SPECC1: variants seen among roughly 807,000 people sequenced by gnomAD.
The protein encoded by SPECC1 is cytospin-B.
In SPECC1, 62 loss-of-function variants were observed where a neutral mutation model predicts 104.1. The ratio of observed to expected loss-of-function variants is 0.60; its 90% CI spans 0.49 to 0.74. The LOEUF is 0.74. Among genes scored for constraint, SPECC1 ranks in the 30% least tolerant of loss-of-function variants. The probability of loss-of-function intolerance (pLI) is 0.00; values close to 1 mark genes in which losing one functional copy is unlikely to be tolerated. For missense variants in SPECC1, 1,306 were observed against 1,310.5 expected (o/e 1.00, Z 0.05); for synonymous variants, 513 against 501.6 (o/e 1.02, Z -0.30).
At chr17:20,051,108 CTTT>C (rs1385274723) in intron 1 of SPECC1, among the ~76,000 whole-genome samples, 231 of 129,588 alleles carry the variant, frequency 1.8e-3, no homozygotes, top group African/African-American at 5.5e-3. Context: ...TTCTTTCTTT[CTTT>C]CTTTCTTTCT....
At chr17:20,279,323 C>CTTT (rs548300449) in intron 12 of SPECC1, among the ~76,000 whole-genome samples, 5 of 113,736 alleles carry the variant, frequency 4.4e-5, no homozygotes, top group East Asian at 2.5e-4. Context: ...TTTTTTTTTT[C>CTTT]TTTTTTTTTT....
At chr17:20,253,728 T>A (rs1354953699) in intron 10 of SPECC1, 142 bp downstream of exon 10, 1 of 769,524 alleles carries the variant, frequency 1.3e-6, no homozygotes, top group Non-Finnish European at 2.1e-6. Flanking sequence ...AATGTACATA[T>A]CATGAATGTT....
At chr17:20,116,844 A>T (rs1597743359) in intron 3 of SPECC1, among the ~76,000 whole-genome samples, 2 of 106,916 alleles carry the variant, frequency 1.9e-5, no homozygotes, top group African/African-American at 3.7e-5. Flanking sequence ...GGCTGTCATG[A>T]CTCGGGGCTG....
intron 1 of SPECC1, among the ~76,000 whole-genome samples, chr17:20,054,361 G>C (rs2045882476): frequency 6.6e-6 from 1 of 152,120 alleles, no homozygotes; most frequent in Non-Finnish European, 1.5e-5. Context: ...TAGCCGGTGG[G>C]TCCCAGAATC....
At chr17:20,084,507 T>G (rs1335207565) in intron 1 of SPECC1, among the ~76,000 whole-genome samples, 1 of 152,200 alleles carries the variant, frequency 6.6e-6, no homozygotes, top group Non-Finnish European at 1.5e-5. Context: ...ATTCAAGTCC[T>G]TTATCAGTTT....
chr17:20,059,509 C>A (rs1276462157), intron 1 of SPECC1, among the ~76,000 whole-genome samples: 2 of 152,178 alleles, frequency 1.3e-5, no homozygotes, highest in Admixed American at 1.3e-4. Context: ...TGATTTAGAT[C>A]ATCAACTCTG....
intron 1 of SPECC1, among the ~76,000 whole-genome samples, chr17:20,034,138 C>T (rs1444955961): frequency 6.6e-6 from 1 of 151,908 alleles, no homozygotes; most frequent in African/African-American, 2.4e-5. Context: ...GCTCTGTCAC[C>T]CAAGGCTGGA....
intron 1 of SPECC1, among the ~76,000 whole-genome samples, chr17:20,076,406 C>G (rs543991045): frequency 2.7e-4 from 41 of 152,234 alleles, no homozygotes; most frequent in African/African-American, 8.9e-4. Context: ...CACTATGGTT[C>G]CCAGGCTGGT....
At chr17:20,107,042 A>T (rs1054034509) in intron 2 of SPECC1, among the ~76,000 whole-genome samples, 1 of 150,134 alleles carries the variant, frequency 6.7e-6, no homozygotes, top group Non-Finnish European at 1.5e-5. Flanking sequence ...CTGTAGCCCC[A>T]ACTACTACTT....
At chr17:20,079,824 G>C (rs2046897401) in intron 1 of SPECC1, among the ~76,000 whole-genome samples, 1 of 152,284 alleles carries the variant, frequency 6.6e-6, no homozygotes, top group Non-Finnish European at 1.5e-5. Flanking sequence ...TGCCATTGGG[G>C]GCTGTGGTGG....
At position 20,227,540 on chromosome 17, in the gene SPECC1, C is replaced by A. The variant is rs764521769; in HGVS notation, c.1991C>A (p.Thr664Asn). 1.9e-6 allele frequency: 3 copies of A among 1,612,510 alleles called. No individual in the cohort carries two copies. The highest frequency in any genetic ancestry group is 3.4e-5 in the Admixed American group (2 of 59,418). ...GCAGAGATCAAAGACATGAAAGAAA[C>A]CATATTTGAATTGGAAGATCAGGTG... Reference protein sequence around the residue: ...SDAEIKDMKETIFELEDQVEQ... With the variant: ...SDAEIKDMKENIFELEDQVEQ... The change falls in exon 5 of 15, where the codon ACC becomes AAC. Residue 664 changes from threonine (T) to asparagine (N), a missense_variant. Around this residue, in one of 2 missense-constraint regions of SPECC1, gnomAD observed 1,177 missense variants for 1,139.9 expected, o/e 1.03. Coordinates refer to ENST00000395527, the MANE Select transcript of SPECC1 (RefSeq NM_001243439.2).
intron 3 of SPECC1, among the ~76,000 whole-genome samples, chr17:20,182,209 G>A (rs534753063): frequency 6.7e-6 from 1 of 148,412 alleles, no homozygotes; most frequent in African/African-American, 2.5e-5. Context: ...ATCCTCCAGG[G>A]CCCAGGTGAT....
intron 12 of SPECC1, among the ~76,000 whole-genome samples, chr17:20,286,258 C>T (rs935192654): frequency 2.6e-5 from 4 of 152,184 alleles, no homozygotes; most frequent in Non-Finnish European, 2.9e-5. Context: ...GATCCTAGTC[C>T]GTTTTATTCA....
intron 4 of SPECC1, among the ~76,000 whole-genome samples, chr17:20,217,271 G>A (rs1009213452): frequency 2.0e-5 from 3 of 148,046 alleles, no homozygotes; most frequent in Admixed American, 2.0e-4. Flanking sequence ...TATTGTGTGT[G>A]TGTGTGTGTG....
At chr17:20,017,367 C>G (rs1336361318) in intron 1 of SPECC1, 1 of 152,774 alleles carries the variant, frequency 6.5e-6, no homozygotes, top group Non-Finnish European at 1.5e-5. Context: ...TAACACTCGC[C>G]GCGAAGGTCT....
intron 1 of SPECC1, among the ~76,000 whole-genome samples, chr17:20,028,735 A>C (rs1325067318): frequency 6.6e-6 from 1 of 150,870 alleles, no homozygotes; most frequent in Non-Finnish European, 1.5e-5. Flanking sequence ...TAATCTTTTC[A>C]ATTTCAACAG....
chr17:20,264,842 G>A (rs1169784287), intron 12 of SPECC1, among the ~76,000 whole-genome samples: 2 of 152,086 alleles, frequency 1.3e-5, no homozygotes, highest in Admixed American at 6.5e-5. Context: ...TGTACTCAAC[G>A]TTTAGCTCCC....
At chr17:20,222,207 C>G (rs1487297541) in intron 4 of SPECC1, among the ~76,000 whole-genome samples, 1 of 152,054 alleles carries the variant, frequency 6.6e-6, no homozygotes, top group African/African-American at 2.4e-5. Flanking sequence ...GTGGCATGCA[C>G]CTGTAGTCCC....
At chr17:20,285,547 TTTATA>T (rs1487269220) in intron 12 of SPECC1, among the ~76,000 whole-genome samples, 1 of 152,196 alleles carries the variant, frequency 6.6e-6, no homozygotes, top group Non-Finnish European at 1.5e-5. Flanking sequence ...TGCTAAAGTA[TTTATA>T]TCCTGGGAAA....
Sources: allele counts gnomAD v4.1 joint callset (sites outside exome capture counted in the v4.1 genomes callset), GRCh38; gene constraint gnomAD v4.1.1; regional missense constraint gnomAD v4.1.1; transcripts MANE v1.5; gene names NCBI Gene and HGNC (gene_info 2026-07-23, HGNC 2026-07-21).